The following ABCB1 variants were observed in gnomAD, a reference collection of about 807,000 sequenced individuals.
ABCB1 encodes the protein ATP-dependent translocase ABCB1.
Under a neutral mutation model 142.0 loss-of-function variants are expected in ABCB1, and 69 were observed. The ratio of observed to expected loss-of-function variants is 0.49; its 90% CI spans 0.40 to 0.59. The LOEUF (loss-of-function observed/expected upper bound fraction) is 0.59, where lower values mean the gene tolerates loss of function less well. Ranked by LOEUF, ABCB1 falls within the 20% of genes least tolerant of loss-of-function variation. The pLI, the probability that ABCB1 is intolerant of heterozygous loss-of-function variation, is 0.00. For missense variants in ABCB1, 1,326 were observed against 1,554.7 expected (o/e 0.85, Z 2.47); for synonymous variants, 532 against 539.2 (o/e 0.99, Z 0.18).
intron 1 of ABCB1, among the ~76,000 whole-genome samples, chr7:87,695,700 A>C (rs1828439837): frequency 6.6e-6 from 1 of 152,088 alleles, no homozygotes; most frequent in Non-Finnish European, 1.5e-5. Flanking sequence ...CACTTAACAG[A>C]TTCATTTATA....
intron 3 of ABCB1, among the ~76,000 whole-genome samples, chr7:87,591,978 T>C (rs542067198): frequency 6.6e-6 from 1 of 151,990 alleles, no homozygotes; most frequent in African/African-American, 2.4e-5. Flanking sequence ...ACAAAAAATA[T>C]AGGAGAAAGT....
intron 9 of ABCB1, among the ~76,000 whole-genome samples, chr7:87,551,280 G>A (rs533032080): frequency 6.6e-6 from 1 of 152,256 alleles, no homozygotes; most frequent in South Asian, 2.1e-4. Flanking sequence ...GCCTGCAAAA[G>A]TGCTGGGATC....
In ABCB1 at chr7:87,615,637, T is replaced by C. The variant is rs564264661; in HGVS notation, c.-330-14559A>G. The stretch of plus-strand genomic sequence containing the variant: ...TAATAGTGGGAATAATGAAAAGTGC[T>C]TAGACTCTGGATATATTTTGAGGGT... On this transcript the variant is annotated intron_variant, in intron 1 of 28. Transcript: ENST00000265724. Among the ~76,000 whole-genome samples, 14 of 152,342 alleles carry C rather than the reference T, an allele frequency of 9.2e-5. No individual in the cohort carries two copies. The South Asian group carries it at 2.9e-3, about 32-fold the overall frequency.
intron 1 of ABCB1, among the ~76,000 whole-genome samples, chr7:87,616,732 A>G (rs1563076158): frequency 6.6e-6 from 1 of 152,228 alleles, no homozygotes; most frequent in Non-Finnish European, 1.5e-5. Flanking sequence ...ACCAAAGTAC[A>G]TAGAAATTAT....
At chr7:87,653,213 T>C (rs1431282791) in intron 1 of ABCB1, among the ~76,000 whole-genome samples, 1 of 152,084 alleles carries the variant, frequency 6.6e-6, no homozygotes, top group Non-Finnish European at 1.5e-5. Flanking sequence ...TTTGTTCAGG[T>C]CCTTCAGTAA....
intron 1 of ABCB1, among the ~76,000 whole-genome samples, chr7:87,612,023 CA>C (rs1230602271): frequency 6.6e-6 from 1 of 151,992 alleles, no homozygotes; most frequent in Non-Finnish European, 1.5e-5. Context: ...GCTCTAAAGT[CA>C]GGTTTTCCCA....
chr7:87,566,794 C>T lies in ABCB1; in HGVS notation c.521G>A (p.Arg174Gln), dbSNP rs201280497. ...DVHDVGELNT[R>Q]LTDDVSKINE... is the part of the protein sequence containing the mutation. ...AAAACTAAATACTTACTCTGTAAGTCGGGTGTTAAGCTCCCCAACATCGTG... is the reference window on the plus strand; with the variant it reads ...AAAACTAAATACTTACTCTGTAAGTTGGGTGTTAAGCTCCCCAACATCGTG... The change falls in exon 6 of 28, where the codon CGA becomes CAA. Residue 174 changes from arginine (R) to glutamine (Q), a missense_variant. Physicochemically the swap from Arg to Gln is conservative, Grantham distance 43 (BLOSUM62 1). Coordinates refer to ENST00000622132, the MANE Select transcript of ABCB1 (RefSeq NM_001348946.2). 7.2e-5 allele frequency: 117 copies of T among 1,613,924 alleles called. No individual in the cohort carries two copies. The highest frequency in any genetic ancestry group is 1.5e-4 in the South Asian group (14 of 91,068).
intron 3 of ABCB1, among the ~76,000 whole-genome samples, chr7:87,588,438 G>A (rs1818854624): frequency 6.6e-6 from 1 of 152,110 alleles, no homozygotes; most frequent in Non-Finnish European, 1.5e-5. Context: ...GTGGTGTTTG[G>A]TTTTCTGTTC....
At chr7:87,706,308 T>C (rs1045263005) in intron 1 of ABCB1, among the ~76,000 whole-genome samples, 3 of 152,114 alleles carry the variant, frequency 2.0e-5, no homozygotes, top group Admixed American at 1.3e-4. Context: ...AGTGATAGAA[T>C]ACTGTAATCT....
intron 1 of ABCB1, among the ~76,000 whole-genome samples, chr7:87,681,466 T>G (rs1446302863): frequency 1.3e-5 from 2 of 150,644 alleles, no homozygotes; most frequent in Non-Finnish European, 2.9e-5. Flanking sequence ...CACAAAAAAT[T>G]TTTGGTTTCC....
intron 1 of ABCB1, among the ~76,000 whole-genome samples, chr7:87,707,267 C>G (rs1227597708): frequency 1.3e-5 from 2 of 152,016 alleles, no homozygotes; most frequent in Non-Finnish European, 2.9e-5. Flanking sequence ...TGAAACAAAC[C>G]TATGGGTGAT....
chr7:87,676,611 C>T (rs1325401342), intron 1 of ABCB1, among the ~76,000 whole-genome samples: 4 of 147,442 alleles, frequency 2.7e-5, no homozygotes, highest in East Asian at 2.0e-4. Flanking sequence ...GGCTGAGGCC[C>T]GAGAATTGCT....
chr7:87,663,463 A>G (rs1474892390), intron 1 of ABCB1, among the ~76,000 whole-genome samples: 1 of 152,014 alleles, frequency 6.6e-6, no homozygotes, highest in Non-Finnish European at 1.5e-5. Context: ...GCTACTATGT[A>G]TTATTGAATT....
chr7:87,710,439 C>A, intron 1 of ABCB1: 2 of 597,124 alleles, frequency 3.3e-6, no homozygotes, highest in South Asian at 2.2e-5. Flanking sequence ...TCTACTTAAA[C>A]ATTTTTCTTA....
intron 14 of ABCB1, among the ~76,000 whole-genome samples, chr7:87,546,916 T>C (rs1816807490): frequency 6.6e-6 from 1 of 152,232 alleles, no homozygotes; most frequent in Non-Finnish European, 1.5e-5. Flanking sequence ...CTTAGAGTAG[T>C]TGTGATGACT....
intron 1 of ABCB1, chr7:87,627,767 G>T (rs973307748): frequency 3.3e-5 from 5 of 152,258 alleles, no homozygotes; most frequent in African/African-American, 9.6e-5. Flanking sequence ...CCGGAGTCAC[G>T]GCCCAGGACG....
intron 1 of ABCB1, among the ~76,000 whole-genome samples, chr7:87,613,937 T>A (rs1473889195): frequency 6.6e-6 from 1 of 152,220 alleles, no homozygotes; most frequent in Admixed American, 6.5e-5. Context: ...AATTACCAGT[T>A]TTGGAAAGTT....
chr7:87,553,705 C>A, intron 9 of ABCB1, 56 bp downstream of exon 9: 2 of 1,541,804 alleles, frequency 1.3e-6, no homozygotes, highest in Admixed American at 3.3e-5. Context: ...GCCAACATTA[C>A]TGGATTTCAT....
chr7:87,554,120 T>C (rs970333443), intron 8 of ABCB1, among the ~76,000 whole-genome samples, 188 bp from the exon 9 acceptor site: 3 of 152,206 alleles, frequency 2.0e-5, no homozygotes, highest in Non-Finnish European at 4.4e-5. Flanking sequence ...AAACTGACAT[T>C]TATAGAGATT....
Sources: gnomAD v4.1 joint callset for allele counts (sites outside exome capture counted in the v4.1 genomes callset) on GRCh38, gnomAD v4.1.1 for gene constraint, MANE v1.5 for transcripts, NCBI Gene and HGNC (gene_info 2026-07-23, HGNC 2026-07-21) for gene names.